Variants in CNTN4 observed in about 807,000 individuals in gnomAD.
The protein encoded by CNTN4 is contactin 4.
CNTN4 carries 77 observed loss-of-function variants against 122.5 expected under a neutral mutation model. The observed-to-expected ratio is 0.63, with a 90% CI of 0.52 to 0.76. CNTN4 has a LOEUF of 0.76. Among genes scored for constraint, CNTN4 ranks in the 30% least tolerant of loss-of-function variants. The pLI, the probability that CNTN4 is intolerant of heterozygous loss-of-function variation, is 0.00. For missense variants in CNTN4, 1,256 were observed against 1,259.1 expected, an observed-to-expected ratio of 1.00 and a Z score of 0.04; for synonymous variants, 512 against 447.0, an observed-to-expected ratio of 1.15 and a Z score of -1.83.
At chr3:2,634,729 A>G (rs937046170) in intron 4 of CNTN4, among the ~76,000 whole-genome samples, 4 of 151,032 alleles carry the variant, frequency 2.6e-5, no homozygotes, top group African/African-American at 9.7e-5. Context: ...GGTGGCATGC[A>G]CCTGTAGTCC....
chr3:2,512,473 A>G (rs1324165066), intron 3 of CNTN4, among the ~76,000 whole-genome samples: 4 of 152,206 alleles, frequency 2.6e-5, no homozygotes, highest in Non-Finnish European at 1.5e-5. Flanking sequence ...TAAAAATGCT[A>G]TTAGAATTTA....
chr3:2,368,681 G>A (rs940601462), intron 3 of CNTN4, among the ~76,000 whole-genome samples: 1 of 151,360 alleles, frequency 6.6e-6, no homozygotes, highest in Non-Finnish European at 1.5e-5. Flanking sequence ...AAAAAAAACT[G>A]AACAGAAGTG....
intron 4 of CNTN4, among the ~76,000 whole-genome samples, chr3:2,666,141 T>C (rs2084147094): frequency 1.3e-5 from 2 of 152,224 alleles, no homozygotes; most frequent in Admixed American, 1.3e-4. Context: ...GACTTTATTT[T>C]ATGACTTTTC....
chr3:2,315,145 C>G (rs2043050993), intron 2 of CNTN4, among the ~76,000 whole-genome samples: 1 of 151,946 alleles, frequency 6.6e-6, no homozygotes, highest in African/African-American at 2.4e-5. Flanking sequence ...AAAGAATTAG[C>G]TATGAACAGC....
intron 4 of CNTN4, among the ~76,000 whole-genome samples, chr3:2,646,770 T>C (rs2083141655): frequency 6.6e-6 from 1 of 152,198 alleles, no homozygotes; most frequent in South Asian, 2.1e-4. Context: ...GGTTTTCAGA[T>C]GATCACCTTC....
intron 3 of CNTN4, among the ~76,000 whole-genome samples, chr3:2,365,926 G>A (rs536938536): frequency 1.2e-4 from 19 of 152,194 alleles, no homozygotes; most frequent in East Asian, 7.7e-4. Flanking sequence ...CCTCAAATAC[G>A]GTTTTCCTAG....
intron 4 of CNTN4, among the ~76,000 whole-genome samples, chr3:2,733,830 G>A (rs1322868569): frequency 6.6e-6 from 1 of 151,894 alleles, no homozygotes; most frequent in Non-Finnish European, 1.5e-5. Flanking sequence ...CACCGCGCCT[G>A]GCCATGTCTG....
intron 4 of CNTN4, among the ~76,000 whole-genome samples, chr3:2,657,069 A>G (rs1238599885): frequency 6.6e-6 from 1 of 152,232 alleles, no homozygotes; most frequent in Middle Eastern, 3.2e-3. Flanking sequence ...TGGGACAGCC[A>G]ACTGTTACAG....
chr3:2,521,347 C>G (rs1215682637), intron 3 of CNTN4, among the ~76,000 whole-genome samples: 8 of 74,054 alleles, frequency 1.1e-4, no homozygotes, highest in East Asian at 7.6e-4. Flanking sequence ...TACCCATCCC[C>G]CCCACCCCCC....
chr3:2,857,226 A>C (rs190086904), intron 7 of CNTN4, among the ~76,000 whole-genome samples: 164 of 152,326 alleles, frequency 1.1e-3, no homozygotes, highest in African/African-American at 3.7e-3. Flanking sequence ...CTTGAGAAAA[A>C]GCCATATTCT....
At chr3:2,699,039 C>T (rs1156785615) in intron 4 of CNTN4, among the ~76,000 whole-genome samples, 1 of 151,818 alleles carries the variant, frequency 6.6e-6, no homozygotes, top group East Asian at 1.9e-4. Context: ...AAAAAAAGAA[C>T]CTGGGATTGT....
chr3:2,208,455 G>C (rs1300015460), intron 2 of CNTN4, among the ~76,000 whole-genome samples: 1 of 152,120 alleles, frequency 6.6e-6, no homozygotes, highest in African/African-American at 2.4e-5. Flanking sequence ...GGTTCTGATG[G>C]ATGAGCAAAC....
intron 12 of CNTN4, among the ~76,000 whole-genome samples, chr3:2,904,086 T>G (rs1013893905): frequency 1.3e-5 from 2 of 152,122 alleles, no homozygotes; most frequent in Non-Finnish European, 2.9e-5. Context: ...ATTTGTCTAT[T>G]ATTATAAAAG....
chr3:2,426,075 A>T (rs1320881779), intron 3 of CNTN4, among the ~76,000 whole-genome samples: 1 of 152,136 alleles, frequency 6.6e-6, no homozygotes, highest in Non-Finnish European at 1.5e-5. Flanking sequence ...CTCCTGCCTG[A>T]TTGCCCTGGC....
intron 3 of CNTN4, among the ~76,000 whole-genome samples, chr3:2,378,401 C>G (rs912276619): frequency 1.3e-5 from 2 of 152,158 alleles, no homozygotes; most frequent in Non-Finnish European, 2.9e-5. Flanking sequence ...TCCACTCACA[C>G]TGGTTAGAAG....
At chr3:3,043,788 TTG>T in intron 23 of CNTN4, 84 bp downstream of exon 23, 1 of 896,944 alleles carries the variant, frequency 1.1e-6, no homozygotes, top group Middle Eastern at 2.1e-4. Flanking sequence ...GTTGTCTGCA[TTG>T]TCAGTTTCCC....
intron 3 of CNTN4, among the ~76,000 whole-genome samples, chr3:2,377,976 C>T (rs1393804584): frequency 6.6e-6 from 1 of 152,156 alleles, no homozygotes; most frequent in Non-Finnish European, 1.5e-5. Context: ...CAAGTGCTAA[C>T]AACTGTTGTT....
In CNTN4 at chr3:3,040,069, C is replaced by T; in HGVS notation, c.2196C>T (p.Gly732=). The change falls in exon 20 of 25, where the codon GGC becomes GGT. Residue 732 remains glycine, a synonymous_variant. Transcript: ENST00000418658. ...CTGAGGAATTACAGAATGGTCGAGGCTTTGGTTATGTGGTGGCCTTCCGGC... is the reference window on the plus strand; with the variant it reads ...CTGAGGAATTACAGAATGGTCGAGGTTTTGGTTATGTGGTGGCCTTCCGGC... ...TVPEELQNGR[G]FGYVVAFRPY... 1 of 1,614,024 alleles carries T rather than the reference C, an allele frequency of 6.2e-7. No individual in the cohort carries two copies. Among genetic ancestry groups the T allele is most frequent in the Non-Finnish European group, 8.5e-7 (1 of 1,179,848 alleles).
chr3:2,218,544 A>T (rs1559351703), intron 2 of CNTN4, among the ~76,000 whole-genome samples: 1 of 152,054 alleles, frequency 6.6e-6, no homozygotes, highest in Admixed American at 6.6e-5. Flanking sequence ...ATTAAAAAAT[A>T]AAAAAAAGTT....
Sources: allele counts gnomAD v4.1 joint callset (sites outside exome capture counted in the v4.1 genomes callset), GRCh38; gene constraint gnomAD v4.1.1; transcripts MANE v1.5; gene names NCBI Gene and HGNC (gene_info 2026-07-23, HGNC 2026-07-21).